The following CNTNAP4 variants were observed in gnomAD, a reference collection of about 807,000 sequenced individuals.
The protein encoded by CNTNAP4 is contactin-associated protein-like 4.
A neutral mutation model predicts 148.4 loss-of-function variants in CNTNAP4; 98 were observed. The ratio of observed to expected loss-of-function variants is 0.66; its 90% CI spans 0.56 to 0.78. The LOEUF (loss-of-function observed/expected upper bound fraction) is 0.78. Among genes scored for constraint, CNTNAP4 ranks in the 30% least tolerant of loss-of-function variants. The probability of loss-of-function intolerance (pLI) is 0.00; values close to 1 mark genes in which losing one functional copy is unlikely to be tolerated. For missense variants in CNTNAP4, 1,935 were observed against 1,565.6 expected (o/e 1.24, Z -3.98); for synonymous variants, 730 against 565.1 (o/e 1.29, Z -4.14).
chr16:76,374,807 C>A (rs1040225296), intron 3 of CNTNAP4, among the ~76,000 whole-genome samples: 4 of 150,766 alleles, frequency 2.7e-5, no homozygotes, highest in Non-Finnish European at 5.9e-5. Context: ...TCGCTCTTGT[C>A]CCCCAGGCTT....
At chr16:76,459,419 A>T (rs2080856771) in intron 8 of CNTNAP4, among the ~76,000 whole-genome samples, 1 of 150,086 alleles carries the variant, frequency 6.7e-6, no homozygotes, top group Non-Finnish European at 1.5e-5. Flanking sequence ...TCTTACACAA[A>T]CCAAACCAGA....
At chr16:76,290,379 C>G (rs1959063371) in intron 1 of CNTNAP4, among the ~76,000 whole-genome samples, 1 of 152,098 alleles carries the variant, frequency 6.6e-6, no homozygotes, top group Non-Finnish European at 1.5e-5. Flanking sequence ...TTCTAAGAAC[C>G]CATATACCAC....
chr16:76,540,837 C>A, intron 21 of CNTNAP4, 47 bp downstream of exon 21: 2 of 1,303,694 alleles, frequency 1.5e-6, no homozygotes, highest in Non-Finnish European at 2.1e-6. Context: ...AATCATGATA[C>A]ATAAGCATGG....
intron 17 of CNTNAP4, among the ~76,000 whole-genome samples, chr16:76,522,743 T>TTTC (rs1568498290): frequency 9.6e-6 from 1 of 104,228 alleles, no homozygotes; most frequent in Non-Finnish European, 1.9e-5. Context: ...TTTCTTTTCT[T>TTTC]TTCTTTTCTT....
intron 10 of CNTNAP4, among the ~76,000 whole-genome samples, chr16:76,471,781 C>T (rs184288868): frequency 2.6e-5 from 4 of 152,050 alleles, no homozygotes; most frequent in African/African-American, 4.8e-5. Context: ...CTTTTGGAGG[C>T]GAGGGCTAGG....
intron 3 of CNTNAP4, among the ~76,000 whole-genome samples, chr16:76,371,510 C>T (rs1399584568): frequency 6.6e-6 from 1 of 152,110 alleles, no homozygotes; most frequent in Non-Finnish European, 1.5e-5. Context: ...GTCTCGAACT[C>T]CTGACCTGAG....
At chr16:76,462,669 A>G (rs2081021735) in intron 9 of CNTNAP4, among the ~76,000 whole-genome samples, 1 of 152,092 alleles carries the variant, frequency 6.6e-6, no homozygotes. Flanking sequence ...TGAAGCATCC[A>G]CCCGCCCAGT....
chr16:76,521,055 A>AT, intron 15 of CNTNAP4, 85 bp from the exon 16 acceptor site: 1 of 1,294,560 alleles, frequency 7.7e-7, no homozygotes, highest in Non-Finnish European at 1.1e-6. Flanking sequence ...AGTGCTAAAA[A>AT]TAGAACATGT....
At chr16:76,557,176 A>G (rs1312763717) in intron 23 of CNTNAP4, among the ~76,000 whole-genome samples, 1 of 152,198 alleles carries the variant, frequency 6.6e-6, no homozygotes, top group African/African-American at 2.4e-5. Flanking sequence ...GGCAGAAAAT[A>G]GTTTTCCAAA....
Position 76,406,689 on chromosome 16 carries a change from T to C in CNTNAP4, c.391-20763T>C, listed in dbSNP as rs191513200. ...ACGAAGACAGTTTTAGTGGTCTGGA[T>C]AGAAGATCAAATCAGCCACTACATT... On this transcript the variant is annotated intron_variant, in intron 3 of 23. Transcript: ENST00000611870. 2.5e-4 allele frequency among the ~76,000 whole-genome samples: 38 copies of C among 152,288 alleles called. 1 individual carries two copies. The highest frequency in any genetic ancestry group is 6.3e-4 in the African/African-American group (26 of 41,578).
rs142656690 is a variant in CNTNAP4, at chr16:76,550,434, A to T, written c.3443-2849A>T. On this transcript the variant is annotated intron_variant, in intron 21 of 23. Transcript: ENST00000611870. Reference sequence around the variant, plus strand: ...TGTACAATAATTTTGAAATAGGTGAAATGTTTTCAGTTTGTAAGTGTGAGG... The same window carrying T: ...TGTACAATAATTTTGAAATAGGTGATATGTTTTCAGTTTGTAAGTGTGAGG... Among the ~76,000 whole-genome samples, 774 of 152,258 alleles carry T rather than the reference A, an allele frequency of 5.1e-3. 17 individuals are homozygous for T. The highest frequency in any genetic ancestry group is 0.011 in the East Asian group (59 of 5,174).
chr16:76,527,832 A>T (rs369717423), intron 17 of CNTNAP4, among the ~76,000 whole-genome samples: 1 of 152,156 alleles, frequency 6.6e-6, no homozygotes, highest in African/African-American at 2.4e-5. Context: ...CTGTAACATC[A>T]TGTTGTAAAC....
chr16:76,434,666 T>C (rs1028609817), intron 4 of CNTNAP4, among the ~76,000 whole-genome samples: 30 of 152,288 alleles, frequency 2.0e-4, no homozygotes, highest in African/African-American at 6.5e-4. Context: ...TGATATTGTT[T>C]TTCATTTACT....
At chr16:76,471,133 C>T (rs1304644525) in intron 10 of CNTNAP4, among the ~76,000 whole-genome samples, 1 of 151,986 alleles carries the variant, frequency 6.6e-6, no homozygotes, top group African/African-American at 2.4e-5. Context: ...CACACACACT[C>T]TTAGAAGCCC....
chr16:76,319,892 T>C, intron 2 of CNTNAP4, among the ~76,000 whole-genome samples: 1 of 152,202 alleles, frequency 6.6e-6, no homozygotes, highest in East Asian at 1.9e-4. Flanking sequence ...AAACTTGCAT[T>C]CTTTTAAGAT....
chr16:76,360,430 G>C (rs1302240154), intron 3 of CNTNAP4, among the ~76,000 whole-genome samples: 1 of 152,202 alleles, frequency 6.6e-6, no homozygotes, highest in Non-Finnish European at 1.5e-5. Context: ...AAGTGCAAAA[G>C]AGATATAAGC....
intron 15 of CNTNAP4, among the ~76,000 whole-genome samples, chr16:76,519,136 G>A (rs1463383474): frequency 6.6e-6 from 1 of 151,990 alleles, no homozygotes; most frequent in Admixed American, 6.6e-5. Context: ...CTTTATAATT[G>A]TTTTGAATTA....
At chr16:76,351,753 A>AG (rs1301042526) in intron 2 of CNTNAP4, among the ~76,000 whole-genome samples, 1 of 152,200 alleles carries the variant, frequency 6.6e-6, no homozygotes, top group East Asian at 1.9e-4. Flanking sequence ...TGCAGCTGTA[A>AG]CTGTGAGCAG....
chr16:76,288,445 C>A (rs186933417), intron 1 of CNTNAP4, among the ~76,000 whole-genome samples: 1 of 152,156 alleles, frequency 6.6e-6, no homozygotes, highest in Non-Finnish European at 1.5e-5. Context: ...TCTGTTGTTC[C>A]CTTTGCGTAA....
Sources: allele counts gnomAD v4.1 joint callset (sites outside exome capture counted in the v4.1 genomes callset), GRCh38; gene constraint gnomAD v4.1.1; transcripts MANE v1.5; gene names NCBI Gene and HGNC (gene_info 2026-07-23, HGNC 2026-07-21).